Variants in DEFB109B observed in about 807,000 individuals in gnomAD.
DEFB109B encodes beta-defensin 109B.
intron 1 of DEFB109B, among the ~76,000 whole-genome samples, chr8:7,315,596 T>G (rs1247313406): frequency 7.5e-6 from 1 of 132,744 alleles, no homozygotes; most frequent in East Asian, 2.1e-4. Context: ...GTGAGTGTGT[T>G]TGGGCCCCTA....
At chr8:7,315,199 G>C (rs886718250) in intron 1 of DEFB109B, among the ~76,000 whole-genome samples, 1 of 90,550 alleles carries the variant, frequency 1.1e-5, no homozygotes, top group South Asian at 4.0e-4. Flanking sequence ...TCTTACCTAG[G>C]AGCACACAAG....
At chr8:7,313,565 A>C (rs1563239736) in intron 1 of DEFB109B, among the ~76,000 whole-genome samples, 1 of 144,218 alleles carries the variant, frequency 6.9e-6, no homozygotes, top group Admixed American at 6.7e-5. Flanking sequence ...TGAATTAATA[A>C]GGAGCAAAGA....
chr8:7,313,329 G>A (rs1380680523), intron 1 of DEFB109B, among the ~76,000 whole-genome samples: 1 of 143,566 alleles, frequency 7.0e-6, no homozygotes, highest in African/African-American at 2.9e-5. Flanking sequence ...CACTTAATAG[G>A]TCAAAAGAGA....
intron 1 of DEFB109B, chr8:7,319,193 C>A (rs1585321790): frequency 1.1e-5 from 1 of 91,184 alleles, no homozygotes; most frequent in East Asian, 3.1e-4. Flanking sequence ...TGGGAGGGTT[C>A]AAGGGACCAT....
At chr8:7,319,227 G>A (rs1416509985) in intron 1 of DEFB109B, 3 of 75,248 alleles carry the variant, frequency 4.0e-5, no homozygotes, top group African/African-American at 6.4e-5. Context: ...GCAACACAGT[G>A]AAGCCAACAA....
chr8:7,310,682 C>G (rs551065227), upstream of DEFB109B, among the ~76,000 whole-genome samples: 2 of 147,086 alleles, frequency 1.4e-5, no homozygotes, highest in Non-Finnish European at 2.9e-5. Flanking sequence ...TGATCTGAAA[C>G]TATACTCTTA....
intron 1 of DEFB109B, 57 bp from the exon 2 acceptor site, chr8:7,319,689 T>C (rs1803193382): frequency 6.8e-6 from 1 of 147,892 alleles, no homozygotes; most frequent in Non-Finnish European, 1.5e-5. Context: ...TAAGAGTGTT[T>C]ATGGATTTAC....
At chr8:7,318,941 C>T (rs955854106) in intron 1 of DEFB109B, 2 of 146,172 alleles carry the variant, frequency 1.4e-5, no homozygotes, top group Non-Finnish European at 2.9e-5. Flanking sequence ...CTAATCTATT[C>T]TATGACTAAG....
chr8:7,319,213 T>C (rs1209606168), intron 1 of DEFB109B: 1 of 84,556 alleles, frequency 1.2e-5, no homozygotes, highest in Non-Finnish European at 2.1e-5. Context: ...TTTAAGAAAC[T>C]ATGGCAACAC....
intron 1 of DEFB109B, among the ~76,000 whole-genome samples, chr8:7,317,086 G>A (rs199636929): frequency 2.0e-3 from 219 of 110,138 alleles, no homozygotes; most frequent in African/African-American, 6.8e-3. Flanking sequence ...AGTTTTCAAG[G>A]ATTTAAATGT....
chr8:7,315,430 C>T (rs1407765856), intron 1 of DEFB109B, among the ~76,000 whole-genome samples: 10 of 132,018 alleles, frequency 7.6e-5, no homozygotes, highest in South Asian at 4.5e-4. Context: ...ACCCTGGAGG[C>T]GGAGGTTGCG....
upstream of DEFB109B, among the ~76,000 whole-genome samples, chr8:7,310,605 G>C (rs772164297): frequency 1.4e-5 from 2 of 142,884 alleles, no homozygotes; most frequent in Non-Finnish European, 2.9e-5. Context: ...GTGTGTGTGT[G>C]CATGTGCGTG....
At chr8:7,315,511 A>AAAAAG (rs1554508738) in intron 1 of DEFB109B, among the ~76,000 whole-genome samples, 2 of 133,966 alleles carry the variant, frequency 1.5e-5, no homozygotes, top group African/African-American at 3.6e-5. Flanking sequence ...AAAAAAAAAA[A>AAAAAG]AAGAAGAAGA....
intron 1 of DEFB109B, among the ~76,000 whole-genome samples, chr8:7,317,490 A>G (rs1425881008): frequency 6.9e-6 from 1 of 144,142 alleles, no homozygotes; most frequent in Non-Finnish European, 1.5e-5. Flanking sequence ...TTTCAAGAAT[A>G]GAAATGTTTC....
upstream of DEFB109B, among the ~76,000 whole-genome samples, chr8:7,311,040 T>C (rs2128804576): frequency 4.9e-5 from 1 of 20,476 alleles, no homozygotes; most frequent in African/African-American, 3.7e-4. Context: ...GGCTGGGTTT[T>C]ACATCCCAGC....
chr8:7,316,499 T>C (rs936046948), intron 1 of DEFB109B, among the ~76,000 whole-genome samples: 1 of 67,548 alleles, frequency 1.5e-5, no homozygotes, highest in African/African-American at 1.1e-4. Context: ...GTTTCCATGC[T>C]ACATTCTGGG....
upstream of DEFB109B, among the ~76,000 whole-genome samples, chr8:7,310,608 T>C (rs548139297): frequency 2.1e-5 from 3 of 143,544 alleles, no homozygotes; most frequent in Non-Finnish European, 4.4e-5. Flanking sequence ...TGTGTGTGCA[T>C]GTGCGTGCCT....
intron 1 of DEFB109B, chr8:7,319,225 G>T: frequency 1.1e-5 from 1 of 94,510 alleles, no homozygotes; most frequent in South Asian, 3.1e-4. Context: ...TGGCAACACA[G>T]TGAAGCCAAC....
In DEFB109B at chr8:7,315,720, C is replaced by G. The variant is rs542363764; in HGVS notation, n.58+2817C>G. On this transcript the variant is annotated intron_variant and non_coding_transcript_variant, in intron 1 of 1. Coordinates refer to ENST00000382656, the Ensembl canonical transcript of DEFB109B. ...CTTCCTCCTGCTTCTGCTGCTGCAA[C>G]TCAGGTACACACAAAGCATGTGTGG... 6.4e-4 allele frequency among the ~76,000 whole-genome samples: 89 copies of G among 139,474 alleles called. 6 individuals are homozygous for G. Among genetic ancestry groups the G allele is most frequent in the African/African-American group, 2.7e-3 (84 of 31,262 alleles). 91.5% of individuals were successfully genotyped at this position (139,474 alleles called of 152,430 possible). A position where few individuals can be genotyped will look rare whatever the true frequency, so the allele number is the denominator to read the frequency against.
Sources: allele counts gnomAD v4.1 joint callset (sites outside exome capture counted in the v4.1 genomes callset), GRCh38; gene constraint gnomAD v4.1.1; transcripts MANE v1.5; gene names NCBI Gene and HGNC (gene_info 2026-07-23, HGNC 2026-07-21).